The following CRB1 variants were observed in gnomAD, a reference collection of about 807,000 sequenced individuals.
CRB1 encodes protein crumbs homolog 1.
In CRB1, 83 loss-of-function variants were observed where a neutral mutation model predicts 120.0. That is an observed-to-expected ratio of 0.69 (90% CI 0.58 to 0.83). The LOEUF (loss-of-function observed/expected upper bound fraction) is 0.83, where lower values mean the gene tolerates loss of function less well. CRB1 is among the 40% of genes least tolerant of loss of function. The probability of loss-of-function intolerance (pLI) is 0.00; values close to 1 mark genes in which losing one functional copy is unlikely to be tolerated. For missense variants in CRB1, 1,699 were observed against 1,687.6 expected, an observed-to-expected ratio of 1.01 and a Z score of -0.12; for synonymous variants, 625 against 612.5, an observed-to-expected ratio of 1.02 and a Z score of -0.30.
At position 197,379,594 on chromosome 1, in the gene CRB1, C is replaced by T. The variant is rs988568775; in HGVS notation, c.1171+22581C>T. Among the ~76,000 whole-genome samples, 9 of 143,236 alleles carry T rather than the reference C, an allele frequency of 6.3e-5. No homozygotes were observed. The East Asian group carries it at 7.9e-4, about 13-fold the overall frequency. 94.0% of individuals were successfully genotyped at this position (143,236 alleles called of 152,430 possible). On this transcript the variant is annotated intron_variant, in intron 5 of 11. Transcript: ENST00000367400. ...GGATTACAGGCGTGAGCCACCAAGC[C>T]CGGCCCCGGCCAAAAAAAAAAAAAA...
chr1:197,237,929 C>A, the CRB1 span, among the ~76,000 whole-genome samples: 5 of 152,170 alleles, frequency 3.3e-5, no homozygotes, highest in African/African-American at 1.2e-4. Flanking sequence ...GTTCTTGAGA[C>A]AGTAGCTTCA....
At chr1:197,282,281 A>G (rs948684707) in intron 1 of CRB1, among the ~76,000 whole-genome samples, 9 of 151,850 alleles carry the variant, frequency 5.9e-5, no homozygotes, top group Non-Finnish European at 1.2e-4. Flanking sequence ...AGTAACTATC[A>G]TCAAGTCCAT....
chr1:197,476,393 T>C (rs1435144771), intron 11 of CRB1, among the ~76,000 whole-genome samples: 1 of 141,748 alleles, frequency 7.1e-6, no homozygotes, highest in African/African-American at 2.4e-5. Context: ...TGTGTGTGTG[T>C]GTGTGCGCGT....
intron 8 of CRB1, among the ~76,000 whole-genome samples, chr1:197,430,882 A>G (rs974479478): frequency 1.3e-5 from 2 of 152,066 alleles, no homozygotes; most frequent in Non-Finnish European, 1.5e-5. Context: ...TGCTGTGGAC[A>G]TTAAGTACAT....
At chr1:197,261,320 T>C in the CRB1 span, among the ~76,000 whole-genome samples, 1 of 152,254 alleles carries the variant, frequency 6.6e-6, no homozygotes, top group Non-Finnish European at 1.5e-5. Context: ...ATGATTTTTA[T>C]TAATCATTGT....
intron 5 of CRB1, 200 bp downstream of exon 5, chr1:197,357,213 A>G (rs1393533778): frequency 3.1e-6 from 2 of 652,158 alleles, no homozygotes; most frequent in African/African-American, 3.6e-5. Context: ...AATATTAAAG[A>G]GGGATAAAGG....
intron 10 of CRB1, chr1:197,439,738 T>C (rs772624659): frequency 6.6e-6 from 1 of 152,202 alleles, no homozygotes; most frequent in African/African-American, 2.4e-5. Flanking sequence ...ATATTTTGAC[T>C]GACTCAATAT....
At chr1:197,311,068 C>T (rs566459965) in intron 1 of CRB1, among the ~76,000 whole-genome samples, 1 of 152,200 alleles carries the variant, frequency 6.6e-6, no homozygotes, top group Non-Finnish European at 1.5e-5. Flanking sequence ...TGGTTTTATA[C>T]TGACACAATT....
At chr1:197,446,878 C>T (rs1278865624) in intron 11 of CRB1, among the ~76,000 whole-genome samples, 1 of 152,026 alleles carries the variant, frequency 6.6e-6, no homozygotes, top group Admixed American at 6.6e-5. Flanking sequence ...TATCTAAATA[C>T]AGTTATTAAT....
chr1:197,266,507 A>C (rs1170151764), upstream of CRB1, among the ~76,000 whole-genome samples: 1 of 152,102 alleles, frequency 6.6e-6, no homozygotes, highest in Non-Finnish European at 1.5e-5. Flanking sequence ...AAACATTCAG[A>C]CCGCAGCATA....
chr1:197,213,285 A>G, the CRB1 span, among the ~76,000 whole-genome samples: 1 of 152,228 alleles, frequency 6.6e-6, no homozygotes. Flanking sequence ...AATGCGCAGA[A>G]GAGCTACAAA....
At chr1:197,316,702 T>C (rs1456484134) in intron 1 of CRB1, among the ~76,000 whole-genome samples, 3 of 152,166 alleles carry the variant, frequency 2.0e-5, no homozygotes, top group African/African-American at 2.4e-5. Context: ...TTAAAATTCA[T>C]TGAAGCAAAC....
chr1:197,255,180 A>G, the CRB1 span, among the ~76,000 whole-genome samples: 3 of 152,074 alleles, frequency 2.0e-5, no homozygotes, highest in East Asian at 5.8e-4. Context: ...AAAACACTGT[A>G]CTGCAAATCA....
chr1:197,360,218 T>C (rs1660702019), intron 5 of CRB1: 1 of 152,240 alleles, frequency 6.6e-6, no homozygotes, highest in South Asian at 2.1e-4. Context: ...GCTGGAGTTA[T>C]CACCTTGTGT....
At chr1:197,363,036 A>C (rs1321726147) in intron 5 of CRB1, among the ~76,000 whole-genome samples, 1 of 151,728 alleles carries the variant, frequency 6.6e-6, no homozygotes, top group Non-Finnish European at 1.5e-5. Flanking sequence ...TACTCTGTGT[A>C]ATTTTCATAG....
chr1:197,417,083 T>G (rs1201121645), intron 5 of CRB1, among the ~76,000 whole-genome samples: 1 of 152,164 alleles, frequency 6.6e-6, no homozygotes, highest in Admixed American at 6.5e-5. Context: ...ATAAGGAGAT[T>G]TCGTTGGAGA....
At chr1:197,440,583 C>T (rs1320584588) in intron 10 of CRB1, 1 of 152,156 alleles carries the variant, frequency 6.6e-6, no homozygotes, top group Non-Finnish European at 1.5e-5. Flanking sequence ...GCCAATGATG[C>T]TGATAATACA....
the CRB1 span, among the ~76,000 whole-genome samples, chr1:197,229,312 A>T: frequency 6.6e-6 from 1 of 152,206 alleles, no homozygotes; most frequent in African/African-American, 2.4e-5. Flanking sequence ...ATATGATAGT[A>T]AAGAATAAGT....
At chr1:197,298,436 G>C (rs1025718634) in intron 1 of CRB1, among the ~76,000 whole-genome samples, 3 of 152,140 alleles carry the variant, frequency 2.0e-5, no homozygotes, top group Admixed American at 2.0e-4. Context: ...AGTGGGGTAA[G>C]AGGATTAAAT....
Sources: allele counts gnomAD v4.1 joint callset (sites outside exome capture counted in the v4.1 genomes callset), GRCh38; gene constraint gnomAD v4.1.1; transcripts MANE v1.5; gene names NCBI Gene and HGNC (gene_info 2026-07-23, HGNC 2026-07-21).